The following SMYD1 variants were observed in gnomAD, a reference collection of about 807,000 sequenced individuals.
The protein encoded by SMYD1 is histone-lysine N-methyltransferase SMYD1.
In SMYD1, 49 loss-of-function variants were observed where a neutral mutation model predicts 54.0. The ratio of observed to expected loss-of-function variants is 0.91; its 90% CI spans 0.72 to 1.15. The LOEUF (loss-of-function observed/expected upper bound fraction) is 1.15, where lower values mean the gene tolerates loss of function less well. Among genes scored for constraint, SMYD1 ranks in the 50% most tolerant of loss-of-function variants. The pLI, the probability that SMYD1 is intolerant of heterozygous loss-of-function variation, is 0.00. For missense variants in SMYD1, 653 were observed against 639.6 expected, an observed-to-expected ratio of 1.02 and a Z score of -0.23; for synonymous variants, 269 against 234.2, an observed-to-expected ratio of 1.15 and a Z score of -1.36.
chr2:88,099,453 G>T (rs1208119865), intron 6 of SMYD1, among the ~76,000 whole-genome samples: 2 of 152,056 alleles, frequency 1.3e-5, no homozygotes, highest in South Asian at 4.1e-4. Flanking sequence ...GGTCGGGTGC[G>T]GTGGCTCACG....
chr2:88,101,570 A>G (rs1052733262), intron 6 of SMYD1, among the ~76,000 whole-genome samples: 5 of 152,206 alleles, frequency 3.3e-5, no homozygotes, highest in Non-Finnish European at 7.3e-5. Flanking sequence ...AGTCATTTAG[A>G]CATATCCATT....
At chr2:88,072,338 A>G (rs1406103562) in intron 1 of SMYD1, among the ~76,000 whole-genome samples, 1 of 152,086 alleles carries the variant, frequency 6.6e-6, no homozygotes, top group African/African-American at 2.4e-5. Context: ...TTTAGTAGAG[A>G]CAGGGTTTCA....
At chr2:88,091,330 G>T (rs36081072) in intron 4 of SMYD1, among the ~76,000 whole-genome samples, 188 bp downstream of exon 4, 2,585 of 152,316 alleles carry the variant, frequency 0.017, 52 homozygotes, top group Admixed American at 0.048. Context: ...GGATATCAAA[G>T]AATTCAACCT....
rs35645050 is a variant in SMYD1, at chr2:88,092,117, G to C, written c.659+975G>C. On this transcript the variant is annotated intron_variant, in intron 4 of 9. Coordinates refer to ENST00000419482, the MANE Select transcript of SMYD1 (RefSeq NM_198274.4). ...GCTGGCACCATGGCTCAGAAAAGAGGAAGCCAATGGACTAGATAGTCCAAC... is the reference window on the plus strand; with the variant it reads ...GCTGGCACCATGGCTCAGAAAAGAGCAAGCCAATGGACTAGATAGTCCAAC... Among the ~76,000 whole-genome samples, 653 of 152,230 alleles carry C rather than the reference G, an allele frequency of 4.3e-3. 2 individuals are homozygous for C. The highest frequency in any genetic ancestry group is 7.0e-3 in the Non-Finnish European group (479 of 68,030).
chr2:88,103,143 A>G lies in SMYD1; in HGVS notation c.974A>G (p.Tyr325Cys). ...GACAAGGCTCGTTCCGAGGGTTTGT[A>G]TCATGAGGTAAGAATTCACTTGTTA... is the stretch of plus-strand genomic sequence containing the variant. ...KIDKARSEGL[Y>C]HEVVKLCREC... The change falls in exon 7 of 10, where the codon TAT becomes TGT. Residue 325 changes from tyrosine (Y) to cysteine (C), a missense_variant. Coordinates refer to ENST00000419482, the MANE Select transcript of SMYD1 (RefSeq NM_198274.4). 1 of 1,613,170 alleles carries G rather than the reference A, an allele frequency of 6.2e-7. No individual in the cohort carries two copies. The highest frequency in any genetic ancestry group is 2.2e-5 in the East Asian group (1 of 44,820).
chr2:88,091,132 A>G lies in SMYD1; in HGVS notation c.649A>G (p.Asn217Asp). The G allele has an allele frequency of 1.2e-6, 2 of 1,613,958 alleles. No homozygotes were observed. Among genetic ancestry groups the G allele is most frequent in the Non-Finnish European group, 1.7e-6 (2 of 1,179,888 alleles). The stretch of plus-strand genomic sequence containing the variant: ...TTGGCCCAACTGTACTGTCATATTT[A>G]ACAATGGCAAGTGAGTATGTCTTTA... ...DCWPNCTVIF[N>D]NGNHEAVKSM... The change falls in exon 4 of 10, where the codon AAC (asparagine) becomes GAC (aspartate). Residue 217 changes from asparagine to aspartate, a missense_variant. By Grantham distance (23) the Asn-to-Asp change is conservative. Coordinates refer to ENST00000419482, the MANE Select transcript of SMYD1 (RefSeq NM_198274.4).
In SMYD1 at chr2:88,108,511, C is replaced by A; in HGVS notation, c.1286C>A (p.Pro429His). Residue 429 changes from proline (P) to histidine (H), a missense_variant, in exon 9 of 10, where the codon CCC (proline) becomes CAC (histidine). Pro to His is a moderately conservative substitution (Grantham distance 77, BLOSUM62 -2). Coordinates refer to ENST00000419482, the MANE Select transcript of SMYD1 (RefSeq NM_198274.4). ...AYAILLVTHG[P>H]SHPITKDLEA... The stretch of plus-strand genomic sequence containing the variant: ...GCCATTCTCCTGGTGACACACGGAC[C>A]CTCCCACCCCATCACTAAGGACTTA... 6.2e-7 allele frequency: 1 copy of A among 1,602,732 alleles called. No homozygotes were observed. The highest frequency in any genetic ancestry group is 8.5e-7 in the Non-Finnish European group (1 of 1,174,948).
Position 88,106,309 on chromosome 2 carries a change from C to G in SMYD1, c.982-16C>G. Reference sequence around the variant, plus strand: ...CTGGTGCAATGGTAATGGGCAGGGCCTCTGTCTCACTCTAGGTTGTGAAAT... The same window carrying G: ...CTGGTGCAATGGTAATGGGCAGGGCGTCTGTCTCACTCTAGGTTGTGAAAT... On this transcript the variant is annotated splice_polypyrimidine_tract_variant and intron_variant, in intron 7 of 9. Transcript: ENST00000419482. 6.2e-7 allele frequency: 1 copy of G among 1,613,430 alleles called. No homozygotes were observed. The highest frequency in any genetic ancestry group is 8.5e-7 in the Non-Finnish European group (1 of 1,179,562).
intron 5 of SMYD1, among the ~76,000 whole-genome samples, chr2:88,094,614 A>G (rs1335246421): frequency 6.6e-6 from 1 of 152,218 alleles, no homozygotes; most frequent in Non-Finnish European, 1.5e-5. Context: ...ACATATATGC[A>G]TCTTTTCATA....
At chr2:88,072,154 T>C (rs1041191554) in intron 1 of SMYD1, among the ~76,000 whole-genome samples, 1 of 152,300 alleles carries the variant, frequency 6.6e-6, no homozygotes, top group South Asian at 2.1e-4. Context: ...ATTATTGTTA[T>C]TATTTTTATT....
chr2:88,096,556 C>T (rs946534957), intron 5 of SMYD1, 39 bp from the exon 6 acceptor site: 1 of 1,545,906 alleles, frequency 6.5e-7, no homozygotes. Context: ...TTCCAGTAGG[C>T]CTGGATTCGA....
At chr2:88,102,970 C>A in intron 6 of SMYD1, 88 bp from the exon 7 acceptor site, 1 of 981,436 alleles carries the variant, frequency 1.0e-6, no homozygotes, top group Non-Finnish European at 1.6e-6. Context: ...CCTTGTGCTA[C>A]ATTGAATGTC....
chr2:88,103,439 G>T (rs1473536135), intron 7 of SMYD1, among the ~76,000 whole-genome samples: 1 of 152,116 alleles, frequency 6.6e-6, no homozygotes, highest in Non-Finnish European at 1.5e-5. Flanking sequence ...GCTAAACCTG[G>T]TATCGGAGAT....
intron 9 of SMYD1, among the ~76,000 whole-genome samples, chr2:88,109,948 C>G (rs1009119754): frequency 6.6e-6 from 1 of 152,208 alleles, no homozygotes; most frequent in African/African-American, 2.4e-5. Flanking sequence ...CTGTCATCTT[C>G]CCAACCCACG....
At chr2:88,080,504 C>T (rs1032501848) in intron 1 of SMYD1, among the ~76,000 whole-genome samples, 4 of 152,104 alleles carry the variant, frequency 2.6e-5, no homozygotes, top group African/African-American at 9.7e-5. Context: ...CTCTGATGGG[C>T]GACCTTGGAA....
chr2:88,081,299 T>A (rs1289313628), intron 1 of SMYD1, among the ~76,000 whole-genome samples: 91 of 152,270 alleles, frequency 6.0e-4, no homozygotes, highest in African/African-American at 2.2e-3. Context: ...TTGTTGTATG[T>A]CAATCATACC....
intron 1 of SMYD1, among the ~76,000 whole-genome samples, chr2:88,082,087 C>G (rs1674211363): frequency 6.6e-6 from 1 of 152,078 alleles, no homozygotes; most frequent in Admixed American, 6.6e-5. Flanking sequence ...CATGTGGGCC[C>G]CATGTGCTCT....
At chr2:88,068,119 A>G (rs1045127625) in intron 1 of SMYD1, 118 bp downstream of exon 1, 215 of 1,352,872 alleles carry the variant, frequency 1.6e-4, no homozygotes, top group Non-Finnish European at 1.9e-4. Context: ...TCTTTTTTCA[A>G]CAAAATGGCA....
chr2:88,072,317 A>G (rs537457901), intron 1 of SMYD1, among the ~76,000 whole-genome samples: 3 of 152,106 alleles, frequency 2.0e-5, no homozygotes, highest in African/African-American at 7.2e-5. Flanking sequence ...CACCCAGCTA[A>G]TTTTTGTATT....
Sources: gnomAD v4.1 joint callset for allele counts (sites outside exome capture counted in the v4.1 genomes callset) on GRCh38, gnomAD v4.1.1 for gene constraint, MANE v1.5 for transcripts, NCBI Gene and HGNC (gene_info 2026-07-23, HGNC 2026-07-21) for gene names.